The following COL25A1 variants were observed in gnomAD, a reference collection of about 807,000 sequenced individuals.
COL25A1 encodes collagen type XXV alpha 1 chain.
Under a neutral mutation model 128.4 loss-of-function variants are expected in COL25A1, and 103 were observed. That is an observed-to-expected ratio of 0.80 (90% CI 0.68 to 0.94). The LOEUF (loss-of-function observed/expected upper bound fraction) is 0.94. Among genes scored for constraint, COL25A1 ranks in the 40% least tolerant of loss-of-function variants. COL25A1 has a pLI of 0.00. For missense variants in COL25A1, 745 were observed against 840.0 expected, an observed-to-expected ratio of 0.89 and a Z score of 1.40; for synonymous variants, 279 against 277.2, an observed-to-expected ratio of 1.01 and a Z score of -0.06.
intron 3 of COL25A1, among the ~76,000 whole-genome samples, chr4:109,161,953 G>T (rs114152986): frequency 0.02 from 3,081 of 152,156 alleles, 98 homozygotes; most frequent in South Asian, 0.13. Context: ...TGAATCATTC[G>T]GCAGCGCACT....
intron 3 of COL25A1, among the ~76,000 whole-genome samples, chr4:109,106,241 C>G (rs1043580316): frequency 4.6e-5 from 7 of 152,134 alleles, no homozygotes; most frequent in Non-Finnish European, 7.3e-5. Flanking sequence ...ACCTATGACA[C>G]CAGCCACAAG....
chr4:109,302,169 C>A lies in COL25A1; in HGVS notation c.-57G>T. On this transcript the variant is annotated splice_region_variant and 5_prime_UTR_variant, in exon 1 of 38. Coordinates refer to ENST00000399132, the MANE Select transcript of COL25A1 (RefSeq NM_198721.4). ...GTCAAGCCCACGAGCGGATACGGACCCCTGCCTTGCTCAGCGTCCAGACCC... is the reference window on the plus strand; with the variant it reads ...GTCAAGCCCACGAGCGGATACGGACACCTGCCTTGCTCAGCGTCCAGACCC... 1 of 974,602 alleles carries A rather than the reference C, an allele frequency of 1.0e-6. No individual in the cohort carries two copies. The highest frequency in any genetic ancestry group is 1.8e-5 in the South Asian group (1 of 54,774). The allele number at this position is 974,602 out of a possible 1,614,324, so 60.4% of individuals were successfully genotyped here. A position where few individuals can be genotyped will look rare whatever the true frequency, so the allele number is the denominator to read the frequency against.
At chr4:109,038,168 G>C (rs1759534631) in intron 5 of COL25A1, among the ~76,000 whole-genome samples, 1 of 152,138 alleles carries the variant, frequency 6.6e-6, no homozygotes. Flanking sequence ...CCAGTTGTTT[G>C]GACAAATACT....
At chr4:109,268,142 G>C (rs1381232310) in intron 3 of COL25A1, among the ~76,000 whole-genome samples, 2 of 152,134 alleles carry the variant, frequency 1.3e-5, no homozygotes, top group African/African-American at 2.4e-5. Context: ...ATATTATAAA[G>C]AGCACATTGT....
At chr4:109,226,538 T>C (rs1466914743) in intron 3 of COL25A1, among the ~76,000 whole-genome samples, 2 of 152,088 alleles carry the variant, frequency 1.3e-5, no homozygotes, top group Non-Finnish European at 2.9e-5. Context: ...CATCTCAGGT[T>C]TCCCCTCTTT....
At chr4:109,030,950 A>G (rs1758796435) in intron 5 of COL25A1, among the ~76,000 whole-genome samples, 1 of 152,072 alleles carries the variant, frequency 6.6e-6, no homozygotes, top group African/African-American at 2.4e-5. Context: ...CATATTGCCC[A>G]GGCTGGTCTT....
Position 108,819,331 on chromosome 4 carries a change from T to C in COL25A1, c.1846-2A>G. ...TTCCCCCTTAACGCCACGGAATCCC[T>C]GTTTGTAAAGATTAACTCATAATGT... On this transcript the variant is annotated splice_acceptor_variant, in intron 35 of 37. Transcript: ENST00000399132. LOFTEE classifies it high-confidence loss of function. 1 of 1,611,620 alleles carries C rather than the reference T, an allele frequency of 6.2e-7. No individual in the cohort carries two copies. The highest frequency in any genetic ancestry group is 8.5e-7 in the Non-Finnish European group (1 of 1,178,886).
Position 109,066,001 on chromosome 4 carries a change from T to A in COL25A1, c.368-15822A>T, listed in dbSNP as rs529486281. ...TAACCTGGAGCTGAGCAGAGCCCCA[T>A]CAAAGTCTTCTTTACATGCCCCACC... On this transcript the variant is annotated intron_variant, in intron 3 of 37. Coordinates refer to ENST00000399132, the MANE Select transcript of COL25A1 (RefSeq NM_198721.4). 2.6e-5 allele frequency among the ~76,000 whole-genome samples: 4 copies of A among 152,274 alleles called. No individual in the cohort carries two copies. The South Asian group carries it at 6.2e-4, about 24-fold the overall frequency.
At chr4:109,290,753 C>T (rs1724393958) in intron 3 of COL25A1, among the ~76,000 whole-genome samples, 1 of 151,726 alleles carries the variant, frequency 6.6e-6, no homozygotes, top group African/African-American at 2.4e-5. Flanking sequence ...TTAATGATAG[C>T]CAATGAGAAA....
chr4:109,060,074 CTCAGAAACCCTTGTTTTCATCTTT>C (rs1172239415), intron 3 of COL25A1, among the ~76,000 whole-genome samples: 2 of 152,198 alleles, frequency 1.3e-5, no homozygotes, highest in Non-Finnish European at 2.9e-5. Context: ...AAACTAACCT[CTCAGAAACCCTTGTTTTCATCTTT>C]AAATAAAGGG....
intron 13 of COL25A1, among the ~76,000 whole-genome samples, chr4:108,917,619 T>G (rs578242985): frequency 3.3e-4 from 51 of 152,346 alleles, no homozygotes; most frequent in African/African-American, 1.2e-3. Flanking sequence ...TAGACTGTGT[T>G]GTTTCTTTCA....
chr4:109,076,024 A>G (rs1353112656), intron 3 of COL25A1, among the ~76,000 whole-genome samples: 1 of 152,120 alleles, frequency 6.6e-6, no homozygotes, highest in East Asian at 1.9e-4. Flanking sequence ...AGTATAGTAT[A>G]ACAATTATTT....
intron 6 of COL25A1, among the ~76,000 whole-genome samples, chr4:109,001,682 T>C (rs1755431924): frequency 6.6e-6 from 1 of 152,170 alleles, no homozygotes; most frequent in East Asian, 1.9e-4. Flanking sequence ...ATAACAGTAT[T>C]GATCCTGAGT....
chr4:109,184,328 C>T (rs1324113344), intron 3 of COL25A1, among the ~76,000 whole-genome samples: 1 of 152,168 alleles, frequency 6.6e-6, no homozygotes, highest in Non-Finnish European at 1.5e-5. Context: ...GATGCATTAA[C>T]ACTCCATTAA....
chr4:109,197,438 A>C (rs1418593752), intron 3 of COL25A1, among the ~76,000 whole-genome samples: 1 of 123,454 alleles, frequency 8.1e-6, no homozygotes, highest in Non-Finnish European at 1.6e-5. Context: ...TAAATATTAT[A>C]TATTATATAT....
intron 26 of COL25A1, among the ~76,000 whole-genome samples, chr4:108,851,325 G>C (rs1029694989): frequency 2.0e-5 from 3 of 151,984 alleles, no homozygotes; most frequent in Admixed American, 6.6e-5. Context: ...ATATAGGCAA[G>C]GAGCTCAGTA....
intron 6 of COL25A1, among the ~76,000 whole-genome samples, chr4:108,979,686 T>C (rs932380471): frequency 1.3e-5 from 2 of 152,198 alleles, no homozygotes; most frequent in Non-Finnish European, 2.9e-5. Context: ...TCATGAAATA[T>C]AACAAAACCT....
intron 3 of COL25A1, among the ~76,000 whole-genome samples, chr4:109,239,392 G>GTA (rs1470443522): frequency 9.5e-5 from 9 of 95,238 alleles, no homozygotes; most frequent in East Asian, 9.1e-4. Flanking sequence ...GTGTGTGTGT[G>GTA]TGTATATATA....
chr4:109,025,235 A>C (rs1309629636), intron 5 of COL25A1, among the ~76,000 whole-genome samples: 1 of 152,160 alleles, frequency 6.6e-6, no homozygotes, highest in Non-Finnish European at 1.5e-5. Flanking sequence ...GGATACAATA[A>C]ACATATATGA....
Sources: gnomAD v4.1 joint callset for allele counts (sites outside exome capture counted in the v4.1 genomes callset) on GRCh38, gnomAD v4.1.1 for gene constraint, MANE v1.5 for transcripts, NCBI Gene and HGNC (gene_info 2026-07-23, HGNC 2026-07-21) for gene names.